The following RBM39 variants were observed in gnomAD, a reference collection of about 807,000 sequenced individuals.
RBM39 encodes the protein RNA-binding protein 39.
RBM39 carries 12 observed loss-of-function variants against 79.6 expected under a neutral mutation model. The observed-to-expected ratio is 0.15, with a 90% confidence interval of 0.10 to 0.24. The LOEUF is 0.24. RBM39 is among the 10% of genes least tolerant of loss of function. The pLI, the probability that RBM39 is intolerant of heterozygous loss-of-function variation, is 1.00. For missense variants in RBM39, 243 were observed against 653.4 expected, an observed-to-expected ratio of 0.37 and a Z score of 6.85; for synonymous variants, 185 against 208.4, an observed-to-expected ratio of 0.89 and a Z score of 0.97.
rs2036633007 is a variant in RBM39, at chr20:35,713,001, A to G, written c.1174+18T>C. ...AGATGAAAAAACGATTTAAAATTAGAAAAGATTCAATTCCTACCTGCCACA... is the reference window on the plus strand; with the variant it reads ...AGATGAAAAAACGATTTAAAATTAGGAAAGATTCAATTCCTACCTGCCACA... On this transcript the variant is annotated intron_variant, in intron 12 of 16. Coordinates refer to ENST00000253363, the MANE Select transcript of RBM39 (RefSeq NM_184234.3). The G allele has an allele frequency of 6.3e-7, 1 of 1,584,648 alleles. No individual in the cohort carries two copies. Among genetic ancestry groups the G allele is most frequent in the Non-Finnish European group, 8.5e-7 (1 of 1,169,884 alleles).
intron 1 of RBM39, 45 bp from the exon 2 acceptor site, chr20:35,740,932 C>T: frequency 1.5e-6 from 2 of 1,357,076 alleles, no homozygotes; most frequent in Non-Finnish European, 2.0e-6. Flanking sequence ...ATTTCTCTTA[C>T]AATGTGAAAC....
chr20:35,736,423 G>T, intron 3 of RBM39: 1 of 321,380 alleles, frequency 3.1e-6, no homozygotes, highest in Non-Finnish European at 6.5e-6. Context: ...TTATTTTAGG[G>T]GAACTACAAA....
At position 35,721,882 on chromosome 20, in the gene RBM39, A is replaced by G. The variant is rs2146600947; in HGVS notation, c.688-5T>C. The stretch of plus-strand genomic sequence containing the variant: ...TGCAGCTCTGTTTTTTTCTGCCTAG[A>G]AGACAAAATACACGTCACACAGAGA... On this transcript the variant is annotated splice_region_variant and splice_polypyrimidine_tract_variant and intron_variant, in intron 8 of 16. Transcript: ENST00000253363. The G allele has an allele frequency of 6.2e-7, 1 of 1,612,788 alleles. No homozygotes were observed. The highest frequency in any genetic ancestry group is 8.5e-7 in the Non-Finnish European group (1 of 1,178,918).
chr20:35,724,126 G>A (rs1358023342), intron 8 of RBM39, among the ~76,000 whole-genome samples: 1 of 152,042 alleles, frequency 6.6e-6, no homozygotes, highest in African/African-American at 2.4e-5. Context: ...GAGGTCAGGA[G>A]TTCAATACTA....
chr20:35,734,792 A>G lies in RBM39; in HGVS notation c.102-2657T>C. On this transcript the variant is annotated intron_variant, in intron 3 of 16. Coordinates refer to ENST00000253363, the MANE Select transcript of RBM39 (RefSeq NM_184234.3). ...GCATAAAAGCCCAGAGAAAACTACA[A>G]GGGTGCAAGAAACCAGTATATTTCC... 1.8e-5 allele frequency: 24 copies of G among 1,360,188 alleles called. 1 individual carries two copies. Among genetic ancestry groups the G allele is most frequent in the Non-Finnish European group, 2.3e-5 (24 of 1,049,558 alleles). 84.3% of individuals were successfully genotyped at this position (1,360,188 alleles called of 1,614,324 possible). A position where few individuals can be genotyped will look rare whatever the true frequency, so the allele number is the denominator to read the frequency against.
chr20:35,725,710 T>C (rs1410430063), intron 6 of RBM39, among the ~76,000 whole-genome samples: 1 of 150,996 alleles, frequency 6.6e-6, no homozygotes, highest in Non-Finnish European at 1.5e-5. Context: ...CCCCCAGGCT[T>C]GGAGTGCAAC....
At chr20:35,715,619 G>A (rs1284129894) in intron 10 of RBM39, among the ~76,000 whole-genome samples, 1 of 152,110 alleles carries the variant, frequency 6.6e-6, no homozygotes, top group Non-Finnish European at 1.5e-5. Flanking sequence ...AGAGATGAAC[G>A]TATAAAACAT....
At chr20:35,726,809 C>T (rs2038751766) in intron 6 of RBM39, among the ~76,000 whole-genome samples, 1 of 152,040 alleles carries the variant, frequency 6.6e-6, no homozygotes, top group African/African-American at 2.4e-5. Context: ...GTCGCTCCAC[C>T]TGTAAGATTT....
intron 2 of RBM39, chr20:35,739,449 G>C: frequency 2.1e-6 from 1 of 471,286 alleles, no homozygotes; most frequent in South Asian, 1.5e-5. Flanking sequence ...AGCCACTATC[G>C]ATTTCCTGTG....
rs1304657040 is a variant in RBM39 at position 35,725,022 on chromosome 20, A to T, written c.534+16T>A. ...AATTTCTACCTACTTGACCTCCCTA[A>T]ACAGGTTAAGATTACCTTTCCTACT... On this transcript the variant is annotated intron_variant, in intron 7 of 16. Coordinates refer to ENST00000253363, the MANE Select transcript of RBM39 (RefSeq NM_184234.3). 6.4e-7 allele frequency: 1 copy of T among 1,557,220 alleles called. No individual in the cohort carries two copies. Among genetic ancestry groups the T allele is most frequent in the Non-Finnish European group, 8.8e-7 (1 of 1,135,548 alleles).
intron 13 of RBM39, among the ~76,000 whole-genome samples, chr20:35,708,320 T>G (rs1438036726): frequency 3.9e-5 from 6 of 151,944 alleles, no homozygotes; most frequent in Non-Finnish European, 8.8e-5. Flanking sequence ...TAAAAAAAAC[T>G]AGAAAGTCTA....
Position 35,725,028 on chromosome 20 carries a change from T to G in RBM39, c.534+10A>C. 1 of 1,587,174 alleles carries G rather than the reference T, an allele frequency of 6.3e-7. No homozygotes were observed. The highest frequency in any genetic ancestry group is 1.3e-5 in the African/African-American group (1 of 74,174). On this transcript the variant is annotated intron_variant, in intron 7 of 16. Transcript: ENST00000253363. ...TACCTACTTGACCTCCCTAAACAGG[T>G]TAAGATTACCTTTCCTACTGTAGAG...
chr20:35,731,627 T>C (rs2060135593), intron 4 of RBM39: 1 of 313,126 alleles, frequency 3.2e-6, no homozygotes, highest in Non-Finnish European at 5.9e-6. Flanking sequence ...TCTTAGGTAT[T>C]TGGGCACTAC....
intron 13 of RBM39, among the ~76,000 whole-genome samples, chr20:35,708,386 T>G (rs897900797): frequency 2.0e-5 from 3 of 152,174 alleles, no homozygotes; most frequent in Admixed American, 6.5e-5. Context: ...TATGATTATA[T>G]ACTATGAATA....
At chr20:35,731,770 A>G (rs2039394696) in intron 4 of RBM39, 171 bp downstream of exon 4, 4 of 695,450 alleles carry the variant, frequency 5.8e-6, no homozygotes, top group Non-Finnish European at 9.7e-6. Context: ...TTATTTGTCT[A>G]TGCACTGTAT....
chr20:35,715,435 C>G (rs1184069896), intron 10 of RBM39, among the ~76,000 whole-genome samples: 1 of 152,130 alleles, frequency 6.6e-6, no homozygotes, highest in Non-Finnish European at 1.5e-5. Flanking sequence ...CTCAGCCTCC[C>G]AAAGTGCTGG....
intron 9 of RBM39, among the ~76,000 whole-genome samples, chr20:35,718,452 G>C (rs1471770299): frequency 6.6e-6 from 1 of 152,058 alleles, no homozygotes; most frequent in Admixed American, 6.6e-5. Context: ...GACATGGGCA[G>C]ACTATCTGAG....
rs1157883233 is a variant in RBM39 at position 35,703,663 on chromosome 20, T to C, written c.*818A>G. ...GGTTCTTACAAAGATTGTTGCAATA[T>C]GAAAGTCATTTGTTTGATAGAAATA... On this transcript the variant is annotated 3_prime_UTR_variant, in exon 17 of 17. Transcript: ENST00000253363. 3.9e-5 allele frequency: 6 copies of C among 152,794 alleles called. No homozygotes were observed. Among genetic ancestry groups the C allele is most frequent in the South Asian group, 2.1e-4 (1 of 4,830 alleles). 9.5% of individuals were successfully genotyped at this position (152,794 alleles called of 1,614,324 possible). A position where few individuals can be genotyped will look rare whatever the true frequency, so the allele number is the denominator to read the frequency against.
In RBM39 at chr20:35,732,005, C is replaced by T. The variant is rs1367774624; in HGVS notation, c.232G>A (p.Glu78Lys). ...CTTCTTGAGCGGCTCCGTCGCCTCT[C>T]TTTGCTTCTACTTCGCTTTCTTTCA... is the stretch of plus-strand genomic sequence containing the variant. ...SRERKRSRSK[E>K]RRRSRSRSRD... The change falls in exon 4 of 17, where the codon GAG (glutamate) becomes AAG (lysine). Residue 78 changes from glutamate to lysine, a missense_variant. Transcript: ENST00000253363. 1 of 1,614,078 alleles carries T rather than the reference C, an allele frequency of 6.2e-7. No homozygotes were observed. The highest frequency in any genetic ancestry group is 8.5e-7 in the Non-Finnish European group (1 of 1,180,054).
Sources: gnomAD v4.1 joint callset for allele counts (sites outside exome capture counted in the v4.1 genomes callset) on GRCh38, gnomAD v4.1.1 for gene constraint, MANE v1.5 for transcripts, NCBI Gene and HGNC (gene_info 2026-07-23, HGNC 2026-07-21) for gene names.